The following UGT2B11 variants were observed in gnomAD, a reference collection of about 807,000 sequenced individuals.
The protein encoded by UGT2B11 is UDP glucuronosyltransferase family 2 member B11, also known as UDP-glucuronosyltransferase 2B11.
A neutral mutation model predicts 51.7 loss-of-function variants in UGT2B11; 49 were observed. The observed-to-expected ratio is 0.95, with a 90% CI of 0.75 to 1.20. UGT2B11 has a LOEUF of 1.20. Ranked by LOEUF, UGT2B11 falls within the 50% of genes most tolerant of loss-of-function variation. The probability of loss-of-function intolerance (pLI) is 0.00; values close to 1 mark genes in which losing one functional copy is unlikely to be tolerated. For synonymous variants in UGT2B11, 273 were observed against 209.0 expected (o/e 1.31, Z -2.64); for missense variants, 810 against 622.1 (o/e 1.30, Z -3.21).
At chr4:69,220,799 T>C in the UGT2B11 span, among the ~76,000 whole-genome samples, 1 of 152,074 alleles carries the variant, frequency 6.6e-6, no homozygotes, top group African/African-American at 2.4e-5. Flanking sequence ...AACATTCTTC[T>C]CCTAAGAAGA....
chr4:69,212,037 C>G (rs1304855910), intron 2 of UGT2B11, among the ~76,000 whole-genome samples: 1 of 151,484 alleles, frequency 6.6e-6, no homozygotes, highest in Non-Finnish European at 1.5e-5. Context: ...TTTACCTATT[C>G]CTGCATATTT....
At chr4:69,203,748 A>T (rs541936059) in intron 5 of UGT2B11, among the ~76,000 whole-genome samples, 79 of 151,894 alleles carry the variant, frequency 5.2e-4, no homozygotes, top group African/African-American at 1.9e-3. Flanking sequence ...TCATTTACAC[A>T]GCACCTGAGA....
the UGT2B11 span, among the ~76,000 whole-genome samples, chr4:69,220,467 G>GGGT: frequency 5.0e-4 from 10 of 19,832 alleles, no homozygotes; most frequent in African/African-American, 1.2e-3. Context: ...GGGGTGGGGG[G>GGGT]GCTCACACTA....
At chr4:69,205,833 T>C (rs1721834710) in intron 3 of UGT2B11, 1 of 341,672 alleles carries the variant, frequency 2.9e-6, no homozygotes, top group Non-Finnish European at 5.1e-6. Context: ...TGTTACACTT[T>C]TTAAAAGAAG....
chr4:69,218,620 A>T (rs1180454098), upstream of UGT2B11, among the ~76,000 whole-genome samples: 1 of 152,064 alleles, frequency 6.6e-6, no homozygotes. Context: ...AAGTGTTCCC[A>T]GATAAAGGGG....
At chr4:69,204,922 A>G (rs1433692653) in intron 4 of UGT2B11, among the ~76,000 whole-genome samples, 2 of 151,684 alleles carry the variant, frequency 1.3e-5, no homozygotes, top group Non-Finnish European at 3.0e-5. Context: ...ACAAAAGAGG[A>G]CAGCAAAGAG....
At chr4:69,215,401 G>C (rs1263197589), upstream of UGT2B11, 1 of 151,850 alleles carries the variant, frequency 6.6e-6, no homozygotes, top group Non-Finnish European at 1.5e-5. Context: ...TTTTGTGGCT[G>C]GCTTCTTTTA....
chr4:69,205,308 A>G (rs997068018), intron 4 of UGT2B11, among the ~76,000 whole-genome samples, 172 bp downstream of exon 4: 4 of 151,800 alleles, frequency 2.6e-5, no homozygotes, highest in East Asian at 1.9e-4. Context: ...GAATGTGATT[A>G]TATATCATAA....
intron 3 of UGT2B11, among the ~76,000 whole-genome samples, chr4:69,207,752 G>T (rs1401574275): frequency 6.6e-6 from 1 of 151,688 alleles, no homozygotes; most frequent in African/African-American, 2.4e-5. Context: ...AACAGAAATA[G>T]TACATTCCTT....
chr4:69,208,900 G>A (rs1351224936), intron 2 of UGT2B11, among the ~76,000 whole-genome samples: 1 of 151,640 alleles, frequency 6.6e-6, no homozygotes, highest in Non-Finnish European at 1.5e-5. Context: ...TTTCAGGCAT[G>A]TTTTCTGTAG....
intron 5 of UGT2B11, among the ~76,000 whole-genome samples, chr4:69,203,185 T>C (rs1026349295): frequency 2.0e-5 from 3 of 151,666 alleles, no homozygotes; most frequent in African/African-American, 7.2e-5. Context: ...ATAGAAAAGT[T>C]AAAAATGTTC....
chr4:69,212,827 A>T (rs557201553), intron 1 of UGT2B11, 106 bp from the exon 2 acceptor site: 1 of 1,197,182 alleles, frequency 8.4e-7, no homozygotes, highest in African/African-American at 1.6e-5. Flanking sequence ...GGTAAAGTTT[A>T]TGTGCTTTGA....
intron 2 of UGT2B11, among the ~76,000 whole-genome samples, chr4:69,208,753 T>G (rs1721951690): frequency 6.6e-6 from 1 of 151,660 alleles, no homozygotes; most frequent in South Asian, 2.1e-4. Context: ...TATTACATTG[T>G]AGTCAGGGAG....
chr4:69,214,075 A>G lies in UGT2B11; in HGVS notation c.648T>C (p.Tyr216=). The G allele has an allele frequency of 1.2e-6, 2 of 1,610,822 alleles. No individual in the cohort carries two copies. Among genetic ancestry groups the G allele is most frequent in the Middle Eastern group, 1.7e-4 (1 of 6,034 alleles). ...GGAACCAAAAGTCAAAATAAAGCACATAGATCATATTTTTTACCCTCTCCA... is the reference window on the plus strand; with the variant it reads ...GGAACCAAAAGTCAAAATAAAGCACGTAGATCATATTTTTTACCCTCTCCA... The part of the protein sequence containing the change: ...TFMERVKNMI[Y]VLYFDFWFQM... The change falls in exon 1 of 6, where the codon TAT becomes TAC. Residue 216 remains tyrosine, a synonymous_variant. Transcript: ENST00000446444.
At chr4:69,223,275 C>T in the UGT2B11 span, among the ~76,000 whole-genome samples, 4 of 152,040 alleles carry the variant, frequency 2.6e-5, no homozygotes, top group African/African-American at 4.8e-5. Context: ...AGGGAGTGTC[C>T]GGTTTGGTGC....
upstream of UGT2B11, among the ~76,000 whole-genome samples, chr4:69,218,855 T>A (rs924818412): frequency 1.3e-5 from 2 of 152,168 alleles, no homozygotes; most frequent in African/African-American, 4.8e-5. Flanking sequence ...CTGGATTTTG[T>A]CTGCAGCTCC....
At chr4:69,208,279 T>C (rs1560538503) in intron 3 of UGT2B11, 72 bp downstream of exon 3, 1 of 1,593,532 alleles carries the variant, frequency 6.3e-7, no homozygotes, top group Non-Finnish European at 8.5e-7. Context: ...CTTAATATTC[T>C]TTCTATGTAG....
chr4:69,213,969 G>T lies in UGT2B11; in HGVS notation c.721+33C>A, dbSNP rs917480083. ...CTGCTTCAAAGACACAAATAAGTTA[G>T]ATCTTCACGTTACCGATTAAACAAA... is the stretch of plus-strand genomic sequence containing the variant. On this transcript the variant is annotated intron_variant, in intron 1 of 5. Transcript: ENST00000446444. 5 of 1,521,306 alleles carry T rather than the reference G, an allele frequency of 3.3e-6. No individual in the cohort carries two copies. The Admixed American group carries it at 6.6e-5, about 20-fold the overall frequency. 94.2% of individuals were successfully genotyped at this position (1,521,306 alleles called of 1,614,324 possible).
chr4:69,200,495 C>A lies in UGT2B11; in HGVS notation c.1535G>T (p.Cys512Phe), dbSNP rs1487685745. ...AGCAAACTTCCAGAAACAAAACAGA[C>A]AAAACTTTGTGATGATAAATATCAC... ...ATVIFIITKF[C>F]LFCFWKFARK... The change falls in exon 6 of 6, where the codon TGT becomes TTT. Residue 512 changes from cysteine to phenylalanine, a missense_variant. Physicochemically the swap from Cys to Phe is radical, Grantham distance 205. Transcript: ENST00000446444. 1.2e-6 allele frequency: 2 copies of A among 1,611,926 alleles called. No individual in the cohort carries two copies.
Sources: allele counts gnomAD v4.1 joint callset (sites outside exome capture counted in the v4.1 genomes callset), GRCh38; gene constraint gnomAD v4.1.1; transcripts MANE v1.5; gene names NCBI Gene and HGNC (gene_info 2026-07-23, HGNC 2026-07-21).